Variants in EIF4G3 observed in about 807,000 individuals in gnomAD.
EIF4G3 encodes the protein eIF-4-gamma 3.
In EIF4G3, 34 loss-of-function variants were observed where a neutral mutation model predicts 186.4. The observed-to-expected ratio is 0.18, with a 90% CI of 0.14 to 0.24. The LOEUF is 0.24. Ranked by LOEUF, EIF4G3 falls within the 10% of genes least tolerant of loss-of-function variation. The pLI is 1.00. For synonymous variants in EIF4G3, 673 were observed against 679.5 expected, an observed-to-expected ratio of 0.99 and a Z score of 0.15; for missense variants, 1,536 against 1,948.5, an observed-to-expected ratio of 0.79 and a Z score of 3.99.
rs776343794 is a variant in EIF4G3 at position 20,810,142 on chromosome 1, AATTTTTGT to A, written c.4744+588_4744+595del. On this transcript the variant is annotated intron_variant, in intron 36 of 36. Transcript: ENST00000602326. The surrounding 1 kb of genome is among the most constrained non-coding windows in gnomAD (Gnocchi z 4.1). Reference sequence around the variant, plus strand: ...CAGGCACATGCCACCACACCTAGCCAATTTTTGTATTTTTGTATTTTTTTTTTTTTTGA... The same window carrying A: ...CAGGCACATGCCACCACACCTAGCCAATTTTTGTATTTTTTTTTTTTTTGA... Among the ~76,000 whole-genome samples, 10 of 150,712 alleles carry A rather than the reference AATTTTTGT, an allele frequency of 6.6e-5. No individual in the cohort carries two copies. The highest frequency in any genetic ancestry group is 1.2e-4 in the Non-Finnish European group (8 of 67,790).
At chr1:20,986,946 G>A (rs1026931858) in intron 7 of EIF4G3, among the ~76,000 whole-genome samples, 2 of 152,026 alleles carry the variant, frequency 1.3e-5, no homozygotes, top group African/African-American at 4.8e-5. Flanking sequence ...AAGGATGGCA[G>A]AGGAAGGTGA....
chr1:21,080,307 C>T (rs978447120), intron 3 of EIF4G3, among the ~76,000 whole-genome samples: 2 of 138,374 alleles, frequency 1.4e-5, no homozygotes, highest in Non-Finnish European at 3.2e-5. Flanking sequence ...CAGAGAGAGA[C>T]ACTGTCTCAA....
At chr1:20,920,194 C>T (rs2094368468) in intron 14 of EIF4G3, among the ~76,000 whole-genome samples, 1 of 152,212 alleles carries the variant, frequency 6.6e-6, no homozygotes. Flanking sequence ...GCGTGAGTCA[C>T]TGCGTCCGGT....
intron 14 of EIF4G3, among the ~76,000 whole-genome samples, chr1:20,921,431 G>T (rs867098894): frequency 6.6e-6 from 1 of 152,188 alleles, no homozygotes. Context: ...TTAACCAACA[G>T]TGTGCCTCAT....
chr1:21,148,067 TG>T (rs914565651), intron 2 of EIF4G3, among the ~76,000 whole-genome samples: 27 of 152,308 alleles, frequency 1.8e-4, no homozygotes, highest in Middle Eastern at 3.4e-3. Flanking sequence ...GTTTCCAGCA[TG>T]GCTTTTTTTC....
At chr1:20,972,491 G>A (rs530179779) in intron 11 of EIF4G3, among the ~76,000 whole-genome samples, 14 of 152,152 alleles carry the variant, frequency 9.2e-5, no homozygotes, top group South Asian at 6.2e-4. Flanking sequence ...AAAATTAGCC[G>A]GGCCTGGTGG....
At chr1:20,970,848 C>G (rs907923732) in intron 11 of EIF4G3, among the ~76,000 whole-genome samples, 9 of 151,868 alleles carry the variant, frequency 5.9e-5, no homozygotes, top group African/African-American at 2.2e-4. Context: ...CCTGTAATCC[C>G]AGCTACTTGG....
intron 2 of EIF4G3, among the ~76,000 whole-genome samples, chr1:21,127,112 C>T (rs1178424231): frequency 1.3e-5 from 2 of 152,080 alleles, no homozygotes; most frequent in African/African-American, 2.4e-5. Context: ...CGCCCTACCC[C>T]ACCCAGTAGC....
At chr1:21,124,666 A>C (rs1418832636) in intron 2 of EIF4G3, among the ~76,000 whole-genome samples, 3 of 152,150 alleles carry the variant, frequency 2.0e-5, no homozygotes, top group Non-Finnish European at 4.4e-5. Context: ...CTGGTTTTTT[A>C]ATTTTTCTGT....
At chr1:20,989,403 A>C (rs2080467016) in intron 7 of EIF4G3, among the ~76,000 whole-genome samples, 1 of 151,384 alleles carries the variant, frequency 6.6e-6, no homozygotes. Flanking sequence ...TAAAAATACA[A>C]AAAATTAGCT....
intron 12 of EIF4G3, among the ~76,000 whole-genome samples, chr1:20,955,443 T>C (rs1056262533): frequency 6.6e-6 from 1 of 151,986 alleles, no homozygotes; most frequent in African/African-American, 2.4e-5. Context: ...GTATTTTGCC[T>C]GGGCTAGTCT....
At chr1:20,957,792 A>T (rs1470082661) in intron 12 of EIF4G3, among the ~76,000 whole-genome samples, 1 of 152,134 alleles carries the variant, frequency 6.6e-6, no homozygotes, top group Admixed American at 6.5e-5. Context: ...CAAACTATAA[A>T]ACCTAAAGGA....
rs550387249 is a variant in EIF4G3 at position 20,845,056 on chromosome 1, C to G, written c.3889-4028G>C. 2.0e-5 allele frequency among the ~76,000 whole-genome samples: 3 copies of G among 152,176 alleles called. No individual in the cohort carries two copies. The South Asian group carries it at 6.2e-4, about 32-fold the overall frequency. ...ATGAAATCTTTGCCTGTGCCTATGT[C>G]CTGAATGGTATTGTGTAAGTTTTCT... is the stretch of plus-strand genomic sequence containing the variant. On this transcript the variant is annotated intron_variant, in intron 29 of 36. Transcript: ENST00000602326.
intron 36 of EIF4G3, among the ~76,000 whole-genome samples, chr1:20,808,722 T>G (rs2058642652): frequency 6.6e-6 from 1 of 152,096 alleles, no homozygotes; most frequent in Non-Finnish European, 1.5e-5. Context: ...AAAACATGAG[T>G]AAAAGCTATC....
intron 33 of EIF4G3, among the ~76,000 whole-genome samples, chr1:20,820,753 G>A (rs535764157): frequency 6.6e-6 from 1 of 152,260 alleles, no homozygotes; most frequent in South Asian, 2.1e-4. Flanking sequence ...GAGACGATTG[G>A]AGGACCAGCT....
intron 4 of EIF4G3, among the ~76,000 whole-genome samples, chr1:21,007,773 C>A (rs958449648): frequency 2.6e-5 from 4 of 151,818 alleles, no homozygotes; most frequent in African/African-American, 9.7e-5. Flanking sequence ...ATAGTACACA[C>A]AACAACCAAG....
At chr1:20,890,832 G>T (rs1007638702) in intron 18 of EIF4G3, among the ~76,000 whole-genome samples, 2 of 152,224 alleles carry the variant, frequency 1.3e-5, no homozygotes, top group Admixed American at 6.5e-5. Flanking sequence ...ACCAAGGTAA[G>T]CTGGGCAAAT....
intron 13 of EIF4G3, among the ~76,000 whole-genome samples, chr1:20,945,840 C>T (rs1183442366): frequency 6.6e-6 from 1 of 152,078 alleles, no homozygotes; most frequent in Admixed American, 6.6e-5. Context: ...CTATGTAGAA[C>T]CCAATTTGGT....
At chr1:21,044,555 C>T (rs2093764361) in intron 4 of EIF4G3, among the ~76,000 whole-genome samples, 1 of 151,234 alleles carries the variant, frequency 6.6e-6, no homozygotes, top group African/African-American at 2.4e-5. Flanking sequence ...GCATCAAACT[C>T]AGAATTTATA....
Sources: allele counts gnomAD v4.1 joint callset (sites outside exome capture counted in the v4.1 genomes callset), GRCh38; gene constraint gnomAD v4.1.1; non-coding constraint Gnocchi (gnomAD v3.1); transcripts MANE v1.5; gene names NCBI Gene and HGNC (gene_info 2026-07-23, HGNC 2026-07-21).